CEMIP: variants seen among roughly 807,000 people sequenced by gnomAD.
The protein encoded by CEMIP is cell migration-inducing and hyaluronan-binding protein.
A neutral mutation model predicts 156.9 loss-of-function variants in CEMIP; 105 were observed. That is an observed-to-expected ratio of 0.67 (90% confidence interval 0.57 to 0.79). The LOEUF is 0.79. CEMIP is among the 30% of genes least tolerant of loss of function. The probability of loss-of-function intolerance (pLI) is 0.00; values close to 1 mark genes in which losing one functional copy is unlikely to be tolerated. For missense variants in CEMIP, 1,457 were observed against 1,769.4 expected, an observed-to-expected ratio of 0.82 and a Z score of 3.17; for synonymous variants, 676 against 668.4, an observed-to-expected ratio of 1.01 and a Z score of -0.17.
At chr15:80,837,431 G>A (rs1298754881) in intron 1 of CEMIP, among the ~76,000 whole-genome samples, 1 of 152,166 alleles carries the variant, frequency 6.6e-6, no homozygotes. Flanking sequence ...CATTCTTTAT[G>A]GCAACCTGGT....
intron 1 of CEMIP, among the ~76,000 whole-genome samples, chr15:80,864,818 G>C (rs1157839163): frequency 6.6e-6 from 1 of 152,188 alleles, no homozygotes; most frequent in East Asian, 1.9e-4. Flanking sequence ...AAACGTAAGC[G>C]CTTATCAGAA....
At chr15:80,855,351 A>G (rs2141750066) in intron 1 of CEMIP, among the ~76,000 whole-genome samples, 1 of 152,288 alleles carries the variant, frequency 6.6e-6, no homozygotes, top group African/African-American at 2.4e-5. Flanking sequence ...ACAGGGAGGT[A>G]CCAGAACTTG....
intron 14 of CEMIP, among the ~76,000 whole-genome samples, chr15:80,912,240 T>C (rs147882289): frequency 1.3e-5 from 2 of 152,298 alleles, no homozygotes; most frequent in East Asian, 3.9e-4. Context: ...GGGTAGCCCA[T>C]GGAGCTGTAT....
chr15:80,846,303 C>T (rs928027599), intron 1 of CEMIP, among the ~76,000 whole-genome samples: 18 of 152,186 alleles, frequency 1.2e-4, no homozygotes, highest in Admixed American at 6.5e-4. Context: ...CCAACCAGAG[C>T]GCTCTTCCCC....
intron 4 of CEMIP, 149 bp downstream of exon 4, chr15:80,879,016 C>A: frequency 9.7e-7 from 1 of 1,026,192 alleles, no homozygotes; most frequent in Non-Finnish European, 1.5e-6. Context: ...AGATAACCAT[C>A]AGCTCTGAGC....
intron 1 of CEMIP, among the ~76,000 whole-genome samples, chr15:80,828,400 C>T (rs569481375): frequency 3.5e-4 from 53 of 151,972 alleles, no homozygotes; most frequent in Non-Finnish European, 5.9e-4. Flanking sequence ...AAAAAAATGC[C>T]GAATGCCACG....
intron 14 of CEMIP, among the ~76,000 whole-genome samples, chr15:80,919,318 T>A (rs1278068624): frequency 6.6e-6 from 1 of 152,196 alleles, no homozygotes; most frequent in Non-Finnish European, 1.5e-5. Flanking sequence ...CCTTACTCAG[T>A]GGGATCTCCT....
chr15:80,836,413 G>C (rs1003127210), intron 1 of CEMIP, among the ~76,000 whole-genome samples: 1 of 152,224 alleles, frequency 6.6e-6, no homozygotes, highest in African/African-American at 2.4e-5. Flanking sequence ...CATCCCTGCG[G>C]GTTGTCTCTG....
At chr15:80,823,101 C>T (rs371630384) in intron 1 of CEMIP, among the ~76,000 whole-genome samples, 4 of 152,138 alleles carry the variant, frequency 2.6e-5, no homozygotes, top group South Asian at 2.1e-4. Context: ...TCCTTTCTTA[C>T]GCTAAGATTT....
intron 1 of CEMIP, among the ~76,000 whole-genome samples, chr15:80,857,110 T>C (rs908455560): frequency 1.3e-5 from 2 of 152,230 alleles, no homozygotes; most frequent in African/African-American, 4.8e-5. Flanking sequence ...GCGTGCTCTT[T>C]CGACTCCACT....
At chr15:80,851,539 G>A (rs920752372) in intron 1 of CEMIP, among the ~76,000 whole-genome samples, 1 of 152,198 alleles carries the variant, frequency 6.6e-6, no homozygotes, top group African/African-American at 2.4e-5. Context: ...GCTGAATAGA[G>A]GTGGGAAATA....
At chr15:80,922,331 GTGGTGGT>G (rs1375151765) in intron 17 of CEMIP, among the ~76,000 whole-genome samples, 194 bp downstream of exon 17, 2 of 152,388 alleles carry the variant, frequency 1.3e-5, no homozygotes, top group East Asian at 3.9e-4. Flanking sequence ...CAAATCTCCT[GTGGTGGT>G]TCCTGCACGG....
At chr15:80,857,803 G>A (rs772756075) in intron 1 of CEMIP, among the ~76,000 whole-genome samples, 7 of 152,206 alleles carry the variant, frequency 4.6e-5, no homozygotes, top group Non-Finnish European at 1.0e-4. Flanking sequence ...TAAACTGTGT[G>A]AAGAAAATAA....
At chr15:80,900,118 C>A in intron 12 of CEMIP, among the ~76,000 whole-genome samples, 1 of 152,306 alleles carries the variant, frequency 6.6e-6, no homozygotes, top group Non-Finnish European at 1.5e-5. Flanking sequence ...AAGGCCTGCA[C>A]GGGAGTTCTC....
intron 14 of CEMIP, among the ~76,000 whole-genome samples, chr15:80,919,660 A>G (rs1303804900): frequency 6.6e-6 from 1 of 152,190 alleles, no homozygotes; most frequent in Non-Finnish European, 1.5e-5. Flanking sequence ...GAAAACACGC[A>G]GAAAATTAGC....
intron 12 of CEMIP, among the ~76,000 whole-genome samples, chr15:80,897,072 T>G (rs1047433737): frequency 6.6e-6 from 1 of 152,154 alleles, no homozygotes; most frequent in Non-Finnish European, 1.5e-5. Flanking sequence ...AAGACTGCAT[T>G]AAATGGATAA....
intron 1 of CEMIP, among the ~76,000 whole-genome samples, chr15:80,839,793 C>T (rs1187577629): frequency 6.6e-6 from 1 of 152,206 alleles, no homozygotes; most frequent in Admixed American, 6.5e-5. Context: ...GTGGTCATTC[C>T]TTCTGGCTTT....
intron 1 of CEMIP, among the ~76,000 whole-genome samples, chr15:80,842,593 G>A (rs149357394): frequency 2.4e-4 from 37 of 152,236 alleles, no homozygotes; most frequent in Non-Finnish European, 3.8e-4. Flanking sequence ...TTAGCTGGGC[G>A]TGGTGGCAGG....
chr15:80,782,104 C>A (rs1336185895), intron 1 of CEMIP, among the ~76,000 whole-genome samples: 1 of 152,242 alleles, frequency 6.6e-6, no homozygotes, highest in East Asian at 1.9e-4. Context: ...CCTACCTACA[C>A]TACTTGGAGG....
Sources: gnomAD v4.1 joint callset for allele counts (sites outside exome capture counted in the v4.1 genomes callset) on GRCh38, gnomAD v4.1.1 for gene constraint, MANE v1.5 for transcripts, NCBI Gene and HGNC (gene_info 2026-07-23, HGNC 2026-07-21) for gene names.